Variants in HMCN2 observed in about 807,000 individuals in gnomAD.
HMCN2 encodes hemicentin 2.
HMCN2 carries 325 observed loss-of-function variants against 377.5 expected under a neutral mutation model. The ratio of observed to expected loss-of-function variants is 0.86; its 90% confidence interval spans 0.79 to 0.94. The LOEUF is 0.94. Ranked by LOEUF, HMCN2 falls within the 40% of genes least tolerant of loss-of-function variation. HMCN2 has a pLI of 0.00. For missense variants in HMCN2, 4,543 were observed against 4,725.3 expected, an observed-to-expected ratio of 0.96 and a Z score of 1.13; for synonymous variants, 2,007 against 2,046.8, an observed-to-expected ratio of 0.98 and a Z score of 0.53.
At chr9:130,403,453 G>A (rs117515732) in intron 79 of HMCN2, 125 bp downstream of exon 79, 69,663 of 1,097,678 alleles carry the variant, frequency 0.063, 2,282 homozygotes, top group Middle Eastern at 0.086. Flanking sequence ...AAAGCCCCTG[G>A]CCTGCCCAGA....
At chr9:130,429,505 G>T in intron 93 of HMCN2, 52 bp from the exon 94 acceptor site, 3 of 1,547,768 alleles carry the variant, frequency 1.9e-6, no homozygotes, top group Non-Finnish European at 2.6e-6. Context: ...TCCCTTGGGG[G>T]AGGGGCCCTG....
At chr9:130,280,150 G>GTGT (rs1835030850) in intron 1 of HMCN2, among the ~76,000 whole-genome samples, 1 of 50,390 alleles carries the variant, frequency 2.0e-5, no homozygotes, top group Non-Finnish European at 3.4e-5. Flanking sequence ...GTGTGTGTGT[G>GTGT]TTTTTTTTTT....
rs1843605975 is a variant in HMCN2, at chr9:130,414,935, G to GTCACCACTT, written c.12962-3829_12962-3828insTTCACCACT. ...TGACCAAGACTGAACTGTCACCACTGTCACCACTGAGTGGGAAGCCCCTCG... is the reference window on the plus strand; with the variant it reads ...TGACCAAGACTGAACTGTCACCACTGTCACCACTTTCACCACTGAGTGGGAAGCCCCTCG... On this transcript the variant is annotated intron_variant, in intron 85 of 97. Transcript: ENST00000683500. The surrounding 1 kb of genome is among the most constrained non-coding windows in gnomAD (Gnocchi z 4.4). Among the ~76,000 whole-genome samples, 1 of 151,400 alleles carries GTCACCACTT rather than the reference G, an allele frequency of 6.6e-6. No individual in the cohort carries two copies. Among genetic ancestry groups the GTCACCACTT allele is most frequent in the Admixed American group, 6.6e-5 (1 of 15,198 alleles).
intron 80 of HMCN2, 45 bp from the exon 81 acceptor site, chr9:130,404,824 G>T (rs920513800): frequency 2.2e-5 from 26 of 1,173,834 alleles, no homozygotes; most frequent in Non-Finnish European, 2.8e-5. Flanking sequence ...GGTGTCAGCC[G>T]CCTCCCTGAG....
At chr9:130,294,030 G>A (rs1436050357) in intron 4 of HMCN2, among the ~76,000 whole-genome samples, 1 of 152,148 alleles carries the variant, frequency 6.6e-6, no homozygotes, top group African/African-American at 2.4e-5. Flanking sequence ...GGGAGGCAGT[G>A]GCACAGTGAC....
intron 12 of HMCN2, 47 bp from the exon 13 acceptor site, chr9:130,306,764 G>T: frequency 2.2e-6 from 1 of 446,146 alleles, no homozygotes; most frequent in South Asian, 1.6e-5. Flanking sequence ...GATGATTGTG[G>T]ATCAACCCCT....
chr9:130,426,717 A>G (rs1230642908), intron 90 of HMCN2, among the ~76,000 whole-genome samples: 1 of 151,878 alleles, frequency 6.6e-6, no homozygotes, highest in Non-Finnish European at 1.5e-5. Context: ...GCGGCCCAAC[A>G]CAAATTTATA....
At chr9:130,343,337 TG>T (rs1839164528) in intron 25 of HMCN2, among the ~76,000 whole-genome samples, 1 of 152,094 alleles carries the variant, frequency 6.6e-6, no homozygotes, top group Non-Finnish European at 1.5e-5. Context: ...GACAGGAGCC[TG>T]GGGGGCGTCT....
chr9:130,396,615 T>C (rs1842621486), intron 73 of HMCN2, among the ~76,000 whole-genome samples: 2 of 152,164 alleles, frequency 1.3e-5, no homozygotes, highest in South Asian at 2.1e-4. Flanking sequence ...TCTTACCTTC[T>C]TCCTTGGTGA....
intron 22 of HMCN2, among the ~76,000 whole-genome samples, chr9:130,337,039 T>A (rs1388712799): frequency 3.3e-5 from 5 of 152,142 alleles, no homozygotes; most frequent in South Asian, 2.1e-4. Flanking sequence ...CCCACCCCCA[T>A]GCTGGCTGCG....
chr9:130,363,667 C>CA (rs1840510933), intron 40 of HMCN2, among the ~76,000 whole-genome samples: 1 of 151,614 alleles, frequency 6.6e-6, no homozygotes, highest in Admixed American at 6.6e-5. Flanking sequence ...ACTAAAAATA[C>CA]AAAAAATTAG....
At chr9:130,277,764 CACCACCACCATCATCAT>C (rs1834789119) in intron 1 of HMCN2, among the ~76,000 whole-genome samples, 1 of 133,488 alleles carries the variant, frequency 7.5e-6, no homozygotes, top group Non-Finnish European at 1.6e-5. Flanking sequence ...TCATCATCAT[CACCACCACCATCATCAT>C]CACCACCACC....
chr9:130,412,797 G>A (rs1466161984), intron 85 of HMCN2, among the ~76,000 whole-genome samples: 1 of 152,018 alleles, frequency 6.6e-6, no homozygotes, highest in Non-Finnish European at 1.5e-5. Context: ...GGCTGGTCTC[G>A]AACTCCTGGC....
At chr9:130,386,980 G>A (rs1305086499) in intron 61 of HMCN2, among the ~76,000 whole-genome samples, 1 of 152,218 alleles carries the variant, frequency 6.6e-6, no homozygotes, top group Non-Finnish European at 1.5e-5. Context: ...ACCTGCCATG[G>A]ATCCCATGGA....
At chr9:130,403,087 C>G (rs1268467834) in intron 78 of HMCN2, 107 bp from the exon 79 acceptor site, 1 of 1,131,706 alleles carries the variant, frequency 8.8e-7, no homozygotes, top group South Asian at 1.5e-5. Flanking sequence ...GTTTCTAGAA[C>G]CCCCGTTCTC....
At chr9:130,282,380 GGCAGTGAAGTGAGCTCT>G (rs561099346) in intron 1 of HMCN2, among the ~76,000 whole-genome samples, 349 of 152,330 alleles carry the variant, frequency 2.3e-3, no homozygotes, top group African/African-American at 8.1e-3. Context: ...TGAGGCTTGG[GGCAGTGAAGTGAGCTCT>G]GCCTGAGAGT....
intron 54 of HMCN2, among the ~76,000 whole-genome samples, chr9:130,380,241 T>C (rs1476974113): frequency 6.6e-6 from 1 of 152,266 alleles, no homozygotes; most frequent in Non-Finnish European, 1.5e-5. Context: ...AATTTAATTT[T>C]TTTAAGTAAA....
intron 75 of HMCN2, 65 bp downstream of exon 75, chr9:130,398,772 C>G (rs1564855758): frequency 1.5e-5 from 15 of 977,540 alleles, no homozygotes; most frequent in Non-Finnish European, 2.0e-5. Context: ...TCTCTTCTCA[C>G]GGGGGCATGG....
At chr9:130,309,081 G>A (rs1837064557) in intron 14 of HMCN2, among the ~76,000 whole-genome samples, 1 of 152,244 alleles carries the variant, frequency 6.6e-6, no homozygotes, top group African/African-American at 2.4e-5. Flanking sequence ...ACACCTAAAA[G>A]TGGTTCAGAT....
Sources: allele counts gnomAD v4.1 joint callset (sites outside exome capture counted in the v4.1 genomes callset), GRCh38; gene constraint gnomAD v4.1.1; non-coding constraint Gnocchi (gnomAD v3.1); transcripts MANE v1.5; gene names NCBI Gene and HGNC (gene_info 2026-07-23, HGNC 2026-07-21).